The following PDE1C variants were observed in gnomAD, a reference collection of about 807,000 sequenced individuals.
PDE1C encodes the protein phosphodiesterase 1C.
PDE1C carries 62 observed loss-of-function variants against 93.1 expected under a neutral mutation model. The observed-to-expected ratio is 0.67, with a 90% CI of 0.54 to 0.82. The LOEUF (loss-of-function observed/expected upper bound fraction) is 0.82, where lower values mean the gene tolerates loss of function less well. Ranked by LOEUF, PDE1C falls within the 40% of genes least tolerant of loss-of-function variation. PDE1C has a pLI of 0.00. For synonymous variants in PDE1C, 325 were observed against 310.1 expected (o/e 1.05, Z -0.50); for missense variants, 742 against 884.6 (o/e 0.84, Z 2.04).
intron 1 of PDE1C, among the ~76,000 whole-genome samples, chr7:32,415,493 A>T (rs1035198241): frequency 6.6e-6 from 1 of 152,174 alleles, no homozygotes; most frequent in Non-Finnish European, 1.5e-5. Context: ...TTAAGAATAG[A>T]TGTTTGAGGA....
chr7:32,230,078 C>T (rs1584997810), intron 1 of PDE1C, among the ~76,000 whole-genome samples: 1 of 152,278 alleles, frequency 6.6e-6, no homozygotes, highest in East Asian at 1.9e-4. Context: ...CTCTGTAGGC[C>T]TGTCAGGTCC....
intron 2 of PDE1C, among the ~76,000 whole-genome samples, chr7:31,889,203 A>G (rs1798324891): frequency 6.6e-6 from 1 of 152,212 alleles, no homozygotes; most frequent in Non-Finnish European, 1.5e-5. Context: ...TAAAACAACA[A>G]AACTGTTGTT....
At position 32,208,499 on chromosome 7, in the gene PDE1C, C is replaced by CA. The variant is rs71559213; in HGVS notation, c.136+989dup. Among the ~76,000 whole-genome samples the CA allele has an allele frequency of 4.0e-3, 565 of 141,538 alleles. 2 individuals carry two copies. Among genetic ancestry groups the CA allele is most frequent in the East Asian group, 0.013 (59 of 4,700 alleles). The allele number at this position is 141,538 out of a possible 152,430, so 92.9% of individuals were successfully genotyped here. A position where few individuals can be genotyped will look rare whatever the true frequency, so the allele number is the denominator to read the frequency against. On this transcript the variant is annotated intron_variant, in intron 2 of 18. Transcript: ENST00000396193. ...AACGATGAGGTGACTTTTAGGAAGGCAAAAAAAAAAAAATTAATGTAACAA... is the reference window on the plus strand; with the variant it reads ...AACGATGAGGTGACTTTTAGGAAGGCAAAAAAAAAAAAAATTAATGTAACAA...
intron 1 of PDE1C, among the ~76,000 whole-genome samples, chr7:32,318,270 C>G (rs548653338): frequency 6.6e-6 from 1 of 152,148 alleles, no homozygotes; most frequent in African/African-American, 2.4e-5. Flanking sequence ...GAATCCAAAC[C>G]AAACCCCCCT....
the PDE1C span, among the ~76,000 whole-genome samples, chr7:31,646,447 G>A: frequency 6.6e-6 from 1 of 152,170 alleles, no homozygotes; most frequent in African/African-American, 2.4e-5. Context: ...GCTGGAAAGA[G>A]TAAGAGGTGG....
chr7:32,161,544 G>A (rs1012787), intron 3 of PDE1C, among the ~76,000 whole-genome samples: 1 of 147,222 alleles, frequency 6.8e-6, no homozygotes, highest in Non-Finnish European at 1.5e-5. Context: ...CTGACCCCCA[G>A]GGGTAGTTTG....
intron 2 of PDE1C, among the ~76,000 whole-genome samples, chr7:31,975,218 G>A (rs1811498245): frequency 6.6e-6 from 1 of 152,126 alleles, no homozygotes; most frequent in Admixed American, 6.6e-5. Context: ...CCAAATGGGG[G>A]GTTCAAGACA....
upstream of PDE1C, among the ~76,000 whole-genome samples, chr7:32,072,744 T>G (rs1352277009): frequency 6.6e-6 from 1 of 152,158 alleles, no homozygotes; most frequent in Non-Finnish European, 1.5e-5. Context: ...CATTTTACAG[T>G]AAGAAAACTG....
intron 1 of PDE1C, among the ~76,000 whole-genome samples, chr7:32,057,478 T>C (rs918338358): frequency 6.6e-6 from 1 of 152,152 alleles, no homozygotes; most frequent in Non-Finnish European, 1.5e-5. Context: ...AGGCAGCTGG[T>C]CACATCCTGA....
intron 1 of PDE1C, among the ~76,000 whole-genome samples, chr7:32,406,531 C>A (rs1471470531): frequency 8.3e-5 from 11 of 133,252 alleles, no homozygotes; most frequent in African/African-American, 2.5e-4. Context: ...CTCCATAATG[C>A]AAAAAAAAAA....
chr7:32,107,053 T>C (rs2128753014), intron 3 of PDE1C, among the ~76,000 whole-genome samples: 1 of 151,304 alleles, frequency 6.6e-6, no homozygotes, highest in East Asian at 1.9e-4. Context: ...AAAATGACTT[T>C]GGTGGACTCA....
chr7:31,889,061 C>T (rs1451049718), intron 2 of PDE1C, among the ~76,000 whole-genome samples: 4 of 152,160 alleles, frequency 2.6e-5, no homozygotes, highest in African/African-American at 9.7e-5. Flanking sequence ...TAACACTCAA[C>T]ATTTAGAAAT....
intron 3 of PDE1C, among the ~76,000 whole-genome samples, chr7:32,100,088 G>A (rs558369410): frequency 2.5e-4 from 38 of 152,292 alleles, no homozygotes; most frequent in Admixed American, 2.0e-4. Flanking sequence ...TCAGAGAAGA[G>A]TCCCTTAGAC....
chr7:32,298,531 C>A, intron 1 of PDE1C: 1 of 1,232,346 alleles, frequency 8.1e-7, no homozygotes. Flanking sequence ...GCCCGGAGAG[C>A]ACCCTCCGGC....
intron 1 of PDE1C, among the ~76,000 whole-genome samples, chr7:32,256,297 C>A (rs1250296543): frequency 6.6e-6 from 1 of 152,306 alleles, no homozygotes; most frequent in African/African-American, 2.4e-5. Context: ...AAAAGTTTAG[C>A]ATAAACATCC....
intron 1 of PDE1C, among the ~76,000 whole-genome samples, chr7:32,382,588 A>T (rs1000194768): frequency 1.3e-5 from 2 of 152,134 alleles, no homozygotes; most frequent in African/African-American, 4.8e-5. Context: ...CACGGCTGGC[A>T]GCTAGATAAC....
chr7:31,731,747 C>T, the PDE1C span, among the ~76,000 whole-genome samples: 1 of 150,402 alleles, frequency 6.6e-6, no homozygotes, highest in Admixed American at 6.7e-5. Context: ...TTCACTAGCA[C>T]CCGGGTCTGG....
chr7:31,806,489 C>A (rs942023850), intron 16 of PDE1C, among the ~76,000 whole-genome samples: 2 of 151,934 alleles, frequency 1.3e-5, no homozygotes, highest in Non-Finnish European at 2.9e-5. Context: ...AAGGTACTTT[C>A]AAAGGACATC....
intron 2 of PDE1C, among the ~76,000 whole-genome samples, chr7:32,183,729 A>G (rs979683419): frequency 2.0e-5 from 3 of 152,228 alleles, no homozygotes; most frequent in Admixed American, 2.0e-4. Context: ...ACCATTGAGG[A>G]CATAGGCATG....
Sources: gnomAD v4.1 joint callset for allele counts (sites outside exome capture counted in the v4.1 genomes callset) on GRCh38, gnomAD v4.1.1 for gene constraint, MANE v1.5 for transcripts, NCBI Gene and HGNC (gene_info 2026-07-23, HGNC 2026-07-21) for gene names.